The following RMDN3 variants were observed in gnomAD, a reference collection of about 807,000 sequenced individuals.
The protein encoded by RMDN3 is regulator of microtubule dynamics 3, also known as regulator of microtubule dynamics protein 3.
In RMDN3, 41 loss-of-function variants were observed where a neutral mutation model predicts 61.8. That is an observed-to-expected ratio of 0.66 (90% CI 0.52 to 0.86). The LOEUF (loss-of-function observed/expected upper bound fraction) is 0.86, where lower values mean the gene tolerates loss of function less well. RMDN3 is among the 40% of genes least tolerant of loss of function. The pLI is 0.00. For synonymous variants in RMDN3, 247 were observed against 232.0 expected, an observed-to-expected ratio of 1.06 and a Z score of -0.59; for missense variants, 557 against 585.3, an observed-to-expected ratio of 0.95 and a Z score of 0.50.
intron 6 of RMDN3, among the ~76,000 whole-genome samples, chr15:40,741,408 T>C (rs1450259054): frequency 6.6e-6 from 1 of 152,058 alleles, no homozygotes; most frequent in Non-Finnish European, 1.5e-5. Context: ...CCAAAACTCT[T>C]TCACAAGAGC....
chr15:40,742,736 C>T (rs540384942), intron 6 of RMDN3, among the ~76,000 whole-genome samples: 14 of 152,184 alleles, frequency 9.2e-5, no homozygotes, highest in Non-Finnish European at 2.1e-4. Flanking sequence ...CCCTGCTAAC[C>T]ACTGCCTCCA....
chr15:40,752,220 A>G (rs1312037537), intron 2 of RMDN3, 42 bp from the exon 3 acceptor site: 2 of 1,586,394 alleles, frequency 1.3e-6, no homozygotes, highest in Non-Finnish European at 1.7e-6. Flanking sequence ...ACACAGGAAT[A>G]TGGTGGGGAA....
intron 6 of RMDN3, among the ~76,000 whole-genome samples, chr15:40,742,880 A>G (rs1897337734): frequency 6.6e-6 from 1 of 152,238 alleles, no homozygotes; most frequent in African/African-American, 2.4e-5. Context: ...TCTGAAATTT[A>G]GGAGGGAAAA....
At position 40,754,705 on chromosome 15, in the gene RMDN3, G is replaced by A; in HGVS notation, c.79C>T (p.Leu27=). 3.1e-6 allele frequency: 5 copies of A among 1,614,064 alleles called. No individual in the cohort carries two copies. Among genetic ancestry groups the A allele is most frequent in the Non-Finnish European group, 4.2e-6 (5 of 1,179,992 alleles). Residue 27 remains leucine, a synonymous_variant, in exon 2 of 13, where the codon CTG becomes TTG. Coordinates refer to ENST00000338376, the MANE Select transcript of RMDN3 (RefSeq NM_018145.3). ...LLGTAAGLGF[L]CLLYSQRWKR... ...CATCGCTGGCTGTAAAGGAGGCACA[G>A]GAATCCAAGGCCGGCGGCGGTACCC...
intron 6 of RMDN3, among the ~76,000 whole-genome samples, chr15:40,741,796 T>C (rs1897296293): frequency 6.6e-6 from 1 of 150,808 alleles, no homozygotes; most frequent in Admixed American, 6.6e-5. Context: ...ACCTGGCTAA[T>C]TTTTGTATTT....
In RMDN3 at chr15:40,736,494, C is replaced by A. The variant is rs11856571; in HGVS notation, c.*47G>T. 1.9e-6 allele frequency: 3 copies of A among 1,579,518 alleles called. No individual in the cohort carries two copies. Among genetic ancestry groups the A allele is most frequent in the South Asian group, 2.2e-5 (2 of 90,216 alleles). ...CTAAGGAAAAAAGCCTCCCCGCCCC[C>A]CCACCTTAAATAGTGGCATCAAGTC... On this transcript the variant is annotated 3_prime_UTR_variant, in exon 13 of 13. Coordinates refer to ENST00000338376, the MANE Select transcript of RMDN3 (RefSeq NM_018145.3).
At chr15:40,737,540 A>G in intron 10 of RMDN3, 88 bp downstream of exon 10, 1 of 1,300,442 alleles carries the variant, frequency 7.7e-7, no homozygotes, top group Non-Finnish European at 1.1e-6. Flanking sequence ...CGACTAGGAA[A>G]ACCCCTCCCA....
At position 40,752,124 on chromosome 15, in the gene RMDN3, C is replaced by T. The variant is rs1342771040; in HGVS notation, c.242G>A (p.Ser81Asn). 15 of 1,614,072 alleles carry T rather than the reference C, an allele frequency of 9.3e-6. No homozygotes were observed. Among genetic ancestry groups the T allele is most frequent in the East Asian group, 4.5e-5 (2 of 44,896 alleles). ...CTTCTCCTGTCCTTCCCGTGGAAGG[C>T]TGGGCAGCACTGAGGCATCTCCAGC... ...GGAGDASVLP[S>N]LPREGQEKVL... is the part of the protein sequence containing the mutation. Residue 81 changes from serine (S) to asparagine (N), a missense_variant, in exon 3 of 13, where the codon AGC becomes AAC. Physicochemically the swap from Ser to Asn is conservative, Grantham distance 46 (BLOSUM62 1). Transcript: ENST00000338376.
Position 40,744,112 on chromosome 15 carries a change from C to T in RMDN3, c.845G>A (p.Arg282Gln), listed in dbSNP as rs775881556. The change falls in exon 6 of 13, where the codon CGA (arginine) becomes CAA (glutamine). Residue 282 changes from arginine to glutamine, a missense_variant. Physicochemically the swap from Arg to Gln is conservative, Grantham distance 43. Transcript: ENST00000338376. ...SRQDFLWRLA[R>Q]AYSDMCELTE... ...GAGCTCACACATGTCACTGTAGGCT[C>T]GGGCCAGGCGCCAGAGAAAGTCCTG... is the stretch of plus-strand genomic sequence containing the variant. 71 of 1,613,488 alleles carry T rather than the reference C, an allele frequency of 4.4e-5. No individual in the cohort carries two copies. The highest frequency in any genetic ancestry group is 6.7e-5 in the African/African-American group (5 of 74,938).
chr15:40,755,011 G>T, intron 1 of RMDN3, 72 bp downstream of exon 1: 1 of 506,724 alleles, frequency 2.0e-6, no homozygotes, highest in East Asian at 3.4e-5. Flanking sequence ...ACCCAGCCTG[G>T]ACGTAGCCGC....
intron 4 of RMDN3, among the ~76,000 whole-genome samples, chr15:40,747,242 C>T (rs1383395082): frequency 6.6e-6 from 1 of 152,156 alleles, no homozygotes; most frequent in Non-Finnish European, 1.5e-5. Flanking sequence ...CTGCTGGAGC[C>T]CAGGCATCAG....
intron 6 of RMDN3, among the ~76,000 whole-genome samples, chr15:40,742,503 G>A (rs1897322660): frequency 6.6e-6 from 1 of 152,210 alleles, no homozygotes; most frequent in Admixed American, 6.5e-5. Flanking sequence ...GACAGACAGT[G>A]TTGTAGACAA....
At chr15:40,752,989 C>A (rs1347968673) in intron 2 of RMDN3, among the ~76,000 whole-genome samples, 1 of 152,118 alleles carries the variant, frequency 6.6e-6, no homozygotes, top group East Asian at 1.9e-4. Context: ...AAGAAAGATC[C>A]CTGGCAATGT....
Position 40,737,344 on chromosome 15 carries a change from G to T in RMDN3, c.1225-3C>A. 6.2e-7 allele frequency: 1 copy of T among 1,613,240 alleles called. No individual in the cohort carries two copies. The highest frequency in any genetic ancestry group is 8.5e-7 in the Non-Finnish European group (1 of 1,179,190). ...AATCCTGGCTGTAGTTCTTCAGCCT[G>T]GGAAAAGGGACAAAGATATTTCAGT... On this transcript the variant is annotated splice_polypyrimidine_tract_variant and splice_region_variant and intron_variant, in intron 10 of 12. Transcript: ENST00000338376.
At chr15:40,749,734 A>G (rs554903276) in intron 4 of RMDN3, among the ~76,000 whole-genome samples, 43 of 152,336 alleles carry the variant, frequency 2.8e-4, no homozygotes, top group Non-Finnish European at 3.7e-4. Flanking sequence ...ATTCAGATGT[A>G]TCAAATATTA....
At position 40,754,665 on chromosome 15, in the gene RMDN3, C is replaced by T. The variant is rs1031696317; in HGVS notation, c.119G>A (p.Arg40His). 6.2e-7 allele frequency: 1 copy of T among 1,614,128 alleles called. No homozygotes were observed. Among genetic ancestry groups the T allele is most frequent in the Non-Finnish European group, 8.5e-7 (1 of 1,180,020 alleles). ...GGGCAGGCTCTGGCTGCGGCCATGA[C>T]GCTGGGTCCGTTTCCATCGCTGGCT... ...LYSQRWKRTQ[R>H]HGRSQSLPNS... Residue 40 changes from arginine (R) to histidine (H), a missense_variant, in exon 2 of 13, where the codon CGT (arginine) becomes CAT (histidine). Physicochemically the swap from Arg to His is conservative, Grantham distance 29 (BLOSUM62 0). Coordinates refer to ENST00000338376, the MANE Select transcript of RMDN3 (RefSeq NM_018145.3).
chr15:40,750,879 A>G (rs1897790608), intron 4 of RMDN3, among the ~76,000 whole-genome samples: 1 of 152,178 alleles, frequency 6.6e-6, no homozygotes, highest in Admixed American at 6.5e-5. Context: ...TTTAAACTCA[A>G]AACACCCTTA....
intron 1 of RMDN3, 24 bp downstream of exon 1, chr15:40,755,059 G>A (rs531391718): frequency 1.7e-4 from 69 of 399,514 alleles, no homozygotes; most frequent in African/African-American, 1.1e-3. Context: ...CACAGAGTCC[G>A]GCTTCTGGGC....
chr15:40,737,880 G>C (rs986666973), intron 9 of RMDN3, 85 bp downstream of exon 9: 1 of 1,527,114 alleles, frequency 6.5e-7, no homozygotes, highest in Non-Finnish European at 9.1e-7. Flanking sequence ...GCCAGAGAAG[G>C]CTGAGGATCT....
Sources: allele counts gnomAD v4.1 joint callset (sites outside exome capture counted in the v4.1 genomes callset), GRCh38; gene constraint gnomAD v4.1.1; transcripts MANE v1.5; gene names NCBI Gene and HGNC (gene_info 2026-07-23, HGNC 2026-07-21).